Variants in MMP28 observed in about 807,000 individuals in gnomAD.
The protein encoded by MMP28 is matrix metallopeptidase 28.
MMP28 carries 55 observed loss-of-function variants against 60.5 expected under a neutral mutation model. That is an observed-to-expected ratio of 0.91 (90% confidence interval 0.73 to 1.14). MMP28 has a LOEUF of 1.14. MMP28 is among the 50% of genes most tolerant of loss of function. The probability of loss-of-function intolerance (pLI) is 0.00; values close to 1 mark genes in which losing one functional copy is unlikely to be tolerated. For missense variants in MMP28, 686 were observed against 738.3 expected (o/e 0.93, Z 0.82); for synonymous variants, 318 against 312.5 (o/e 1.02, Z -0.18).
chr17:35,769,172 T>C (rs1372200373), intron 5 of MMP28, among the ~76,000 whole-genome samples: 4 of 152,224 alleles, frequency 2.6e-5, no homozygotes, highest in African/African-American at 9.6e-5. Context: ...GCAAGTTACC[T>C]AACCTCTCTG....
intron 1 of MMP28, among the ~76,000 whole-genome samples, chr17:35,783,050 TCTC>T (rs2086552122): frequency 6.6e-6 from 1 of 152,096 alleles, no homozygotes; most frequent in African/African-American, 2.4e-5. Flanking sequence ...ATGGTCTTGA[TCTC>T]CTGACCTTGT....
chr17:35,768,034 G>T, intron 6 of MMP28, 115 bp from the exon 7 acceptor site: 1 of 1,355,876 alleles, frequency 7.4e-7, no homozygotes, highest in Non-Finnish European at 1.0e-6. Context: ...GGTATGGTGT[G>T]TACAGTTGGC....
chr17:35,761,420 T>C (rs1408325759), downstream of MMP28, among the ~76,000 whole-genome samples: 2 of 134,278 alleles, frequency 1.5e-5, no homozygotes, highest in African/African-American at 2.7e-5. Context: ...CTGTTTTTTG[T>C]TTTTTTTTTT....
rs1555603259 is a variant in MMP28 at position 35,766,591 on chromosome 17, G to A, written c.1472C>T (p.Ala491Val). The stretch of plus-strand genomic sequence containing the variant: ...GCCCGAGGTGGTTGCCTGCAGTTTG[G>A]CCTGGTCGAGGCGCCAGTAGCGGTC... ...RDDRYWRLDQ[A>V]KLQATTSGRW... Residue 491 changes from alanine (A) to valine (V), a missense_variant, in exon 8 of 8, where the codon GCC becomes GTC. Physicochemically the swap from Ala to Val is moderately conservative, Grantham distance 64 (BLOSUM62 0). Transcript: ENST00000605424. This position sits in a 1 kb window ranked among gnomAD's most constrained non-coding sequence, Gnocchi z 4.3. 2.5e-6 allele frequency: 4 copies of A among 1,612,280 alleles called. No homozygotes were observed. Among genetic ancestry groups the A allele is most frequent in the Non-Finnish European group, 8.5e-7 (1 of 1,179,742 alleles).
chr17:35,760,801 C>A, intron 2 of MMP28: 2 of 932,436 alleles, frequency 2.1e-6, no homozygotes, highest in Non-Finnish European at 3.4e-6. Context: ...CTGGGCAGAG[C>A]CTTATGGGCA....
At chr17:35,791,699 G>A (rs1228442607) in intron 1 of MMP28, among the ~76,000 whole-genome samples, 2 of 152,152 alleles carry the variant, frequency 1.3e-5, no homozygotes, top group Non-Finnish European at 2.9e-5. Flanking sequence ...TGCCCAGGGT[G>A]TTAAAGAGTT....
At chr17:35,764,538 C>A, downstream of MMP28, 1 of 1,597,522 alleles carries the variant, frequency 6.3e-7, no homozygotes, top group Non-Finnish European at 8.5e-7. Context: ...CAGGAGTCTG[C>A]ACAGCCACCC....
chr17:35,792,103 G>A (rs1379961030), intron 1 of MMP28, among the ~76,000 whole-genome samples: 1 of 151,976 alleles, frequency 6.6e-6, no homozygotes, highest in African/African-American at 2.4e-5. Flanking sequence ...TTCCTTCTGT[G>A]GATGGTTGTT....
chr17:35,795,055 C>T (rs994287029), intron 1 of MMP28, among the ~76,000 whole-genome samples: 2 of 152,248 alleles, frequency 1.3e-5, no homozygotes, highest in African/African-American at 4.8e-5. Context: ...CCCACCCCAG[C>T]CCATCAGTGC....
At chr17:35,776,066 G>A (rs1200241641) in intron 3 of MMP28, among the ~76,000 whole-genome samples, 2 of 151,866 alleles carry the variant, frequency 1.3e-5, no homozygotes, top group Non-Finnish European at 2.9e-5. Context: ...AGTAGAGATG[G>A]GGTTTCACCG....
downstream of MMP28, among the ~76,000 whole-genome samples, chr17:35,763,444 T>A (rs1176653992): frequency 3.7e-4 from 55 of 149,886 alleles, 1 homozygote; most frequent in Non-Finnish European, 2.4e-4. Context: ...CCAGCTTTTT[T>A]TTTTTTTTTT....
At position 35,773,382 on chromosome 17, in the gene MMP28, G is replaced by T; in HGVS notation, c.402C>A (p.His134Gln). 6.2e-7 allele frequency: 1 copy of T among 1,603,870 alleles called. No individual in the cohort carries two copies. The highest frequency in any genetic ancestry group is 8.5e-7 in the Non-Finnish European group (1 of 1,175,202). The change falls in exon 4 of 8, where the codon CAC becomes CAA. Residue 134 changes from histidine to glutamine, a missense_variant. Coordinates refer to ENST00000605424, the MANE Select transcript of MMP28 (RefSeq NM_024302.5). ...AKQGNKWYKQHLSYRLVNWPE... is the reference protein window; with the variant it reads ...AKQGNKWYKQQLSYRLVNWPE... ...GCCAGTTCACCAGGCGGTAGGAGAG[G>T]TGCTGCTTGTACCATTTGTTACCTG...
At chr17:35,758,874 T>G (rs2085770084) in intron 2 of MMP28, among the ~76,000 whole-genome samples, 1 of 151,478 alleles carries the variant, frequency 6.6e-6, no homozygotes, top group African/African-American at 2.4e-5. Flanking sequence ...CAGATTAGGG[T>G]TGGGGAGGCA....
intron 6 of MMP28, 46 bp downstream of exon 6, chr17:35,768,184 A>G: frequency 1.3e-6 from 2 of 1,554,740 alleles, no homozygotes; most frequent in Middle Eastern, 1.7e-4. Context: ...ACACTAAGAG[A>G]TATGGAAGGA....
chr17:35,789,212 T>C (rs980472702), intron 1 of MMP28, among the ~76,000 whole-genome samples: 2 of 151,984 alleles, frequency 1.3e-5, no homozygotes, highest in Admixed American at 1.3e-4. Context: ...CAGACAGACA[T>C]GGACACAGAG....
chr17:35,768,010 A>C, intron 6 of MMP28, 91 bp from the exon 7 acceptor site: 1 of 1,422,242 alleles, frequency 7.0e-7, no homozygotes, highest in Non-Finnish European at 9.5e-7. Flanking sequence ...AGTTTCCCAA[A>C]TGGACAAGCA....
chr17:35,773,058 T>G (rs1361729154), intron 4 of MMP28, 122 bp downstream of exon 4: 1 of 807,230 alleles, frequency 1.2e-6, no homozygotes, highest in Non-Finnish European at 1.9e-6. Flanking sequence ...GAGGGTTCTC[T>G]GCAGGGAGAT....
At chr17:35,778,701 T>A in intron 3 of MMP28, 187 bp downstream of exon 3, 1 of 1,350,714 alleles carries the variant, frequency 7.4e-7, no homozygotes. Flanking sequence ...GTAGGTGTCA[T>A]TCTGAATTAA....
chr17:35,763,876 T>C (rs2085874244), downstream of MMP28: 1 of 723,158 alleles, frequency 1.4e-6, no homozygotes, highest in African/African-American at 2.0e-5. Context: ...TAGCCTGAGC[T>C]ACAGAGAGAG....
Sources: allele counts gnomAD v4.1 joint callset (sites outside exome capture counted in the v4.1 genomes callset), GRCh38; gene constraint gnomAD v4.1.1; non-coding constraint Gnocchi (gnomAD v3.1); transcripts MANE v1.5; gene names NCBI Gene and HGNC (gene_info 2026-07-23, HGNC 2026-07-21).